The following GLI2 variants were observed in gnomAD, a reference collection of about 807,000 sequenced individuals.
The protein encoded by GLI2 is GLI family zinc finger 2, also known as transcription activator GLI2.
In GLI2, 22 loss-of-function variants were observed where a neutral mutation model predicts 78.9. That is an observed-to-expected ratio of 0.28 (90% CI 0.20 to 0.40). GLI2 has a LOEUF of 0.40. Ranked by LOEUF, GLI2 falls within the 10% of genes least tolerant of loss-of-function variation. The pLI is 1.00. For missense variants in GLI2, 2,097 were observed against 2,213.2 expected (o/e 0.95, Z 1.05); for synonymous variants, 974 against 963.7 (o/e 1.01, Z -0.20).
chr2:120,850,220 A>G (rs1211775315), intron 2 of GLI2, among the ~76,000 whole-genome samples: 2 of 152,242 alleles, frequency 1.3e-5, no homozygotes, highest in Non-Finnish European at 2.9e-5. Context: ...AAGAAAAAAA[A>G]TAATTTAGAC....
intron 1 of GLI2, among the ~76,000 whole-genome samples, chr2:120,742,362 C>A (rs1266595023): frequency 6.6e-6 from 1 of 152,176 alleles, no homozygotes; most frequent in African/African-American, 2.4e-5. Flanking sequence ...CTTAGCAATG[C>A]TTCTTTGTGT....
chr2:120,757,216 C>G (rs948907673), intron 1 of GLI2, among the ~76,000 whole-genome samples: 7 of 86,548 alleles, frequency 8.1e-5, no homozygotes, highest in African/African-American at 3.3e-4. Flanking sequence ...TCCTCATGTA[C>G]TTTTCTGCTT....
intron 2 of GLI2, among the ~76,000 whole-genome samples, chr2:120,886,291 G>C (rs1677410262): frequency 6.7e-6 from 1 of 150,168 alleles, no homozygotes; most frequent in Non-Finnish European, 1.5e-5. Flanking sequence ...TTTGAGTCAG[G>C]GTCTTGCTGT....
At chr2:120,743,858 CG>C (rs2104624173) in intron 1 of GLI2, among the ~76,000 whole-genome samples, 1 of 152,302 alleles carries the variant, frequency 6.6e-6, no homozygotes, top group Admixed American at 6.5e-5. Context: ...GTCAAGACAG[CG>C]GGTAGGGTGG....
chr2:120,747,640 C>G (rs1207312293), intron 1 of GLI2, among the ~76,000 whole-genome samples: 1 of 152,216 alleles, frequency 6.6e-6, no homozygotes, highest in Non-Finnish European at 1.5e-5. Context: ...TGCTGAACAT[C>G]CTGTAAACCA....
intron 3 of GLI2, among the ~76,000 whole-genome samples, chr2:120,945,957 T>TCACACACACACACACACACACACA (rs3223143): frequency 0.012 from 1,617 of 134,208 alleles, 32 homozygotes; most frequent in Non-Finnish European, 0.02. Flanking sequence ...CATAACCTTC[T>TCACACACACACACACACACACACA]CACACACACA....
intron 1 of GLI2, among the ~76,000 whole-genome samples, chr2:120,765,507 A>G (rs149112380): frequency 5.7e-4 from 87 of 152,298 alleles, no homozygotes; most frequent in Non-Finnish European, 1.1e-3. Context: ...GCCAAGGGAG[A>G]GGGCCAGCTG....
chr2:120,983,309 T>G (rs1049862378), intron 11 of GLI2, among the ~76,000 whole-genome samples: 1 of 152,078 alleles, frequency 6.6e-6, no homozygotes, highest in Non-Finnish European at 1.5e-5. Context: ...ATCCTCTAGA[T>G]GAGGAAACGA....
intron 2 of GLI2, among the ~76,000 whole-genome samples, chr2:120,895,588 A>G (rs909156929): frequency 6.6e-6 from 1 of 152,154 alleles, no homozygotes; most frequent in African/African-American, 2.4e-5. Flanking sequence ...CTGTAATCCC[A>G]GCTGCTCGGG....
chr2:120,892,379 G>T (rs912480033), intron 2 of GLI2, among the ~76,000 whole-genome samples: 1 of 152,226 alleles, frequency 6.6e-6, no homozygotes, highest in Non-Finnish European at 1.5e-5. Flanking sequence ...CTTGGGCAGG[G>T]CACAGGCCTC....
chr2:120,767,463 G>T (rs1038517235), intron 1 of GLI2, among the ~76,000 whole-genome samples: 8 of 152,228 alleles, frequency 5.3e-5, no homozygotes, highest in Non-Finnish European at 1.2e-4. Flanking sequence ...TGGTGAGAGG[G>T]TCAAACAATT....
chr2:120,860,490 G>C (rs968910756), intron 2 of GLI2, among the ~76,000 whole-genome samples: 4 of 152,226 alleles, frequency 2.6e-5, no homozygotes, highest in African/African-American at 4.8e-5. Flanking sequence ...CTGGGACTTG[G>C]CTCCCTTTCG....
At chr2:120,824,863 T>A (rs540347833) in intron 2 of GLI2, among the ~76,000 whole-genome samples, 1 of 152,300 alleles carries the variant, frequency 6.6e-6, no homozygotes, top group East Asian at 1.9e-4. Context: ...TGAGACAGGT[T>A]ATCGCTCAGT....
chr2:120,753,093 AT>A (rs55697602), intron 1 of GLI2, among the ~76,000 whole-genome samples: 1,233 of 111,780 alleles, frequency 0.011, 10 homozygotes, highest in African/African-American at 0.027. Flanking sequence ...TTCTGTACGT[AT>A]TTTTTTTTTT....
At position 120,990,441 on chromosome 2, in the gene GLI2, G is replaced by T. The variant is rs758647029; in HGVS notation, c.4476G>T (p.Gln1492His). 16 of 1,613,936 alleles carry T rather than the reference G, an allele frequency of 9.9e-6. No individual in the cohort carries two copies. The highest frequency in any genetic ancestry group is 1.7e-5 in the Admixed American group (1 of 59,998). Residue 1492 changes from glutamine to histidine, a missense_variant, in exon 14 of 14, where the codon CAG (glutamine) becomes CAT (histidine). Gln to His is a conservative substitution (Grantham distance 24). Around this residue, in one of 5 missense-constraint regions of GLI2, gnomAD observed 1,290 missense variants for 1,261.7 expected, o/e 1.02. Transcript: ENST00000361492. ...TVDSQLLEAP[Q>H]IDFDAIMDDG... ...ACTCCCAGCTCCTGGAGGCCCCCCA[G>T]ATTGACTTCGATGCCATCATGGATG... is the stretch of plus-strand genomic sequence containing the variant.
At position 120,894,609 on chromosome 2, in the gene GLI2, TG is replaced by T. The variant is rs369826609; in HGVS notation, c.149-32743del. Among the ~76,000 whole-genome samples, 430 of 148,276 alleles carry T rather than the reference TG, an allele frequency of 2.9e-3. 6 individuals are homozygous for T. The highest frequency in any genetic ancestry group is 8.5e-3 in the African/African-American group (334 of 39,442). On this transcript the variant is annotated intron_variant, in intron 2 of 13. Coordinates refer to ENST00000361492, the MANE Select transcript of GLI2 (RefSeq NM_001374353.1). ...ACAAATGAAGACATGCATTAACCCT[TG>T]GGGGGGGGTACCAGTGATTTCAAAC...
At chr2:120,985,346 C>T (rs537736007) in intron 12 of GLI2, among the ~76,000 whole-genome samples, 46 of 152,300 alleles carry the variant, frequency 3.0e-4, no homozygotes, top group Admixed American at 5.2e-4. Context: ...GACAGGCACA[C>T]GGCAGGGCAC....
intron 13 of GLI2, 134 bp from the exon 14 acceptor site, chr2:120,988,074 A>G (rs972325686): frequency 6.6e-5 from 47 of 708,502 alleles, no homozygotes; most frequent in Non-Finnish European, 9.8e-5. Context: ...GAGAGAAAGA[A>G]AGCATGCATC....
At chr2:120,924,528 G>A (rs1003878429) in intron 2 of GLI2, among the ~76,000 whole-genome samples, 1 of 123,986 alleles carries the variant, frequency 8.1e-6, no homozygotes, top group Admixed American at 9.0e-5. Flanking sequence ...GATGTGCAAG[G>A]AAACATTTAG....
Sources: allele counts gnomAD v4.1 joint callset (sites outside exome capture counted in the v4.1 genomes callset), GRCh38; gene constraint gnomAD v4.1.1; regional missense constraint gnomAD v4.1.1; transcripts MANE v1.5; gene names NCBI Gene and HGNC (gene_info 2026-07-23, HGNC 2026-07-21).